The following DNAH17 variants were observed in gnomAD, a reference collection of about 807,000 sequenced individuals.
DNAH17 encodes dynein axonemal heavy chain 17.
A neutral mutation model predicts 485.6 loss-of-function variants in DNAH17; 376 were observed. That is an observed-to-expected ratio of 0.77 (90% CI 0.71 to 0.84). The LOEUF (loss-of-function observed/expected upper bound fraction) is 0.84, where lower values mean the gene tolerates loss of function less well. Ranked by LOEUF, DNAH17 falls within the 40% of genes least tolerant of loss-of-function variation. The pLI is 0.00. For synonymous variants in DNAH17, 3,031 were observed against 2,405.9 expected (o/e 1.26, Z -7.60); for missense variants, 6,370 against 5,839.3 (o/e 1.09, Z -2.96).
intron 32 of DNAH17, 68 bp downstream of exon 32, chr17:78,502,818 A>G: frequency 1.3e-6 from 2 of 1,593,544 alleles, no homozygotes; most frequent in Non-Finnish European, 1.7e-6. Flanking sequence ...AGCGGAGCCC[A>G]TGAACGCAAA....
Position 78,479,119 on chromosome 17 carries a change from G to T in DNAH17, c.7901-3C>A. The T allele has an allele frequency of 1.2e-6, 2 of 1,613,734 alleles. No individual in the cohort carries two copies. The highest frequency in any genetic ancestry group is 1.7e-6 in the Non-Finnish European group (2 of 1,179,778). On this transcript the variant is annotated splice_region_variant and splice_polypyrimidine_tract_variant and intron_variant, in intron 50 of 80. Coordinates refer to ENST00000389840, the MANE Select transcript of DNAH17 (RefSeq NM_173628.4). ...TGCCGTGATTTTCTGATGCAAAGCT[G>T]TTAGAGGAAAAGGACGTGTCAATTC...
At chr17:78,478,471 CATCACCACCATCACTATCACCATCATT>C (rs1026033883) in intron 51 of DNAH17, among the ~76,000 whole-genome samples, 7 of 151,208 alleles carry the variant, frequency 4.6e-5, no homozygotes, top group Non-Finnish European at 1.0e-4. Context: ...CTATTGCCAT[CATCACCACCATCACTATCACCATCATT>C]ATCACCACCA....
chr17:78,501,080 G>A (rs368234635), intron 35 of DNAH17, 104 bp downstream of exon 35: 38 of 1,357,542 alleles, frequency 2.8e-5, no homozygotes, highest in East Asian at 1.5e-4. Context: ...CAAATGCCCA[G>A]TCCTTCCAGC....
At chr17:78,462,079 G>A (rs1004841364) in intron 57 of DNAH17, among the ~76,000 whole-genome samples, 21 of 152,160 alleles carry the variant, frequency 1.4e-4, no homozygotes, top group African/African-American at 5.1e-4. Context: ...GGCTGAGGTG[G>A]GAGGATCACT....
At chr17:78,570,445 C>T in intron 6 of DNAH17, 73 bp from the exon 7 acceptor site, 1 of 1,526,910 alleles carries the variant, frequency 6.5e-7, no homozygotes, top group Non-Finnish European at 8.8e-7. Context: ...CCAGCCCTTC[C>T]CTTCCCATGG....
chr17:78,484,654 C>T (rs1010625103), intron 48 of DNAH17: 1 of 363,404 alleles, frequency 2.8e-6, no homozygotes, highest in African/African-American at 2.1e-5. Flanking sequence ...AACCTCTCCC[C>T]TACCCTGGCC....
chr17:78,461,892 T>C (rs1218383113), intron 57 of DNAH17, among the ~76,000 whole-genome samples, 184 bp from the exon 58 acceptor site: 1 of 152,074 alleles, frequency 6.6e-6, no homozygotes, highest in Admixed American at 6.5e-5. Context: ...AAACCCTGAC[T>C]GCGTACACAG....
At chr17:78,523,502 A>G (rs1173280495) in intron 25 of DNAH17, among the ~76,000 whole-genome samples, 5 of 152,280 alleles carry the variant, frequency 3.3e-5, no homozygotes, top group Admixed American at 1.3e-4. Context: ...CTGTATATGA[A>G]TAACTGGATT....
chr17:78,542,161 T>C (rs1296865909), intron 17 of DNAH17, among the ~76,000 whole-genome samples: 1 of 141,636 alleles, frequency 7.1e-6, no homozygotes, highest in Non-Finnish European at 1.5e-5. Context: ...TTTTTTTTTT[T>C]TCTGAGGTGG....
chr17:78,526,084 T>C (rs4969213), intron 24 of DNAH17, among the ~76,000 whole-genome samples: 20,003 of 152,246 alleles, frequency 0.13, 1,697 homozygotes, highest in Middle Eastern at 0.22. Flanking sequence ...GCACCCCACA[T>C]GCTCCTGCCC....
At position 78,485,016 on chromosome 17, in the gene DNAH17, G is replaced by T. The variant is rs767088164; in HGVS notation, c.7501C>A (p.Leu2501Met). The T allele has an allele frequency of 6.2e-7, 1 of 1,611,462 alleles. No individual in the cohort carries two copies. Reference protein sequence around the residue: ...AMLQGVLEKPLEKKSGRNYGP... With the variant: ...AMLQGVLEKPMEKKSGRNYGP... ...TAGTTCCTCCCCGATTTCTTCTCCA[G>T]CGGCTTCTCCAGCACCCCTAGAGAG... is the stretch of plus-strand genomic sequence containing the variant. The change falls in exon 48 of 81, where the codon CTG becomes ATG. Residue 2501 changes from leucine (L) to methionine (M), a missense_variant. Physicochemically the swap from Leu to Met is conservative, Grantham distance 15. Transcript: ENST00000389840.
In DNAH17 at chr17:78,561,860, C is replaced by T. The variant is rs893483691; in HGVS notation, c.1690G>A (p.Asp564Asn). ...TCCTCGGAGGCCGCCATCTGGGCAT[C>T]GTACAAGATCTTAGCATTGTCTAGC... ...AELDNAKILYDAQMAASEEGN... is the reference protein window; with the variant it reads ...AELDNAKILYNAQMAASEEGN... Residue 564 changes from aspartate to asparagine, a missense_variant, in exon 12 of 81, where the codon GAT becomes AAT. Physicochemically the swap from Asp to Asn is conservative, Grantham distance 23. Coordinates refer to ENST00000389840, the MANE Select transcript of DNAH17 (RefSeq NM_173628.4). The T allele has an allele frequency of 1.9e-5, 31 of 1,613,828 alleles. No individual in the cohort carries two copies. The highest frequency in any genetic ancestry group is 1.6e-4 in the Middle Eastern group (1 of 6,084).
At chr17:78,502,735 C>T (rs750240251) in intron 32 of DNAH17, 37 bp from the exon 33 acceptor site, 14 of 1,600,664 alleles carry the variant, frequency 8.7e-6, no homozygotes, top group Middle Eastern at 3.3e-4. Flanking sequence ...ACGCAGTGAG[C>T]GATCGCTGGC....
At chr17:78,508,862 C>A (rs2090559368) in intron 27 of DNAH17, among the ~76,000 whole-genome samples, 1 of 151,838 alleles carries the variant, frequency 6.6e-6, no homozygotes, top group Non-Finnish European at 1.5e-5. Flanking sequence ...AGTGCAGCAG[C>A]ATGATCACAG....
intron 72 of DNAH17, among the ~76,000 whole-genome samples, chr17:78,439,901 C>G (rs148176812): frequency 0.014 from 2,182 of 152,056 alleles, 48 homozygotes; most frequent in African/African-American, 0.046. Context: ...AACTCCTGAC[C>G]TCAGGCGATC....
chr17:78,427,307 G>T (rs112825893), intron 77 of DNAH17, among the ~76,000 whole-genome samples, 199 bp from the exon 78 acceptor site: 1 of 152,220 alleles, frequency 6.6e-6, no homozygotes, highest in Non-Finnish European at 1.5e-5. Flanking sequence ...CAGCGGCTCC[G>T]AGCATTCTGA....
rs1196770363 is a variant in DNAH17, at chr17:78,485,742, T to C, written c.7291A>G (p.Thr2431Ala). 6 of 1,613,626 alleles carry C rather than the reference T, an allele frequency of 3.7e-6. No individual in the cohort carries two copies. The highest frequency in any genetic ancestry group is 5.1e-6 in the Non-Finnish European group (6 of 1,179,838). Reference sequence around the variant, plus strand: ...TAGCGGATGCGGATGGTTTCCGTGGTGTGGACCAAAGAGGCCTGGGGCAGG... The same window carrying C: ...TAGCGGATGCGGATGGTTTCCGTGGCGTGGACCAAAGAGGCCTGGGGCAGG... ...DVPLQASLVHTTETIRIRYFM... is the reference protein window; with the variant it reads ...DVPLQASLVHATETIRIRYFM... The change falls in exon 47 of 81, where the codon ACC (threonine) becomes GCC (alanine). Residue 2431 changes from threonine (T) to alanine (A), a missense_variant. Coordinates refer to ENST00000389840, the MANE Select transcript of DNAH17 (RefSeq NM_173628.4).
At chr17:78,437,941 C>A in intron 73 of DNAH17, 73 bp from the exon 74 acceptor site, 1 of 1,182,508 alleles carries the variant, frequency 8.5e-7, no homozygotes, top group East Asian at 2.4e-5. Flanking sequence ...TGGCACGTGG[C>A]TATGTTCCCT....
intron 73 of DNAH17, among the ~76,000 whole-genome samples, 154 bp from the exon 74 acceptor site, chr17:78,438,022 T>C (rs1049223625): frequency 1.1e-4 from 17 of 152,126 alleles, no homozygotes; most frequent in Non-Finnish European, 7.4e-5. Context: ...CCCTCACCTG[T>C]CCACCCTAAC....
Sources: allele counts gnomAD v4.1 joint callset (sites outside exome capture counted in the v4.1 genomes callset), GRCh38; gene constraint gnomAD v4.1.1; transcripts MANE v1.5; gene names NCBI Gene and HGNC (gene_info 2026-07-23, HGNC 2026-07-21).